Variants in AGBL1 observed in about 807,000 individuals in gnomAD.
AGBL1 encodes the protein AGBL carboxypeptidase 1.
A neutral mutation model predicts 118.9 loss-of-function variants in AGBL1; 130 were observed. The ratio of observed to expected loss-of-function variants is 1.09; its 90% CI spans 0.95 to 1.26. The LOEUF is 1.26. Ranked by LOEUF, AGBL1 falls within the 50% of genes most tolerant of loss-of-function variation. The probability of loss-of-function intolerance (pLI) is 0.00; values close to 1 mark genes in which losing one functional copy is unlikely to be tolerated. For missense variants in AGBL1, 1,584 were observed against 1,298.1 expected (o/e 1.22, Z -3.38); for synonymous variants, 555 against 478.9 (o/e 1.16, Z -2.08).
chr15:86,830,730 T>C (rs2079093871), intron 22 of AGBL1, among the ~76,000 whole-genome samples: 1 of 152,238 alleles, frequency 6.6e-6, no homozygotes. Flanking sequence ...TCTTTTATCC[T>C]GGAAGGGTAT....
intron 22 of AGBL1, among the ~76,000 whole-genome samples, chr15:86,895,339 G>A (rs997892089): frequency 1.3e-5 from 2 of 150,696 alleles, no homozygotes; most frequent in Non-Finnish European, 2.9e-5. Context: ...CATTGTCTAA[G>A]TATAACCACT....
chr15:86,883,805 T>C lies in AGBL1; in HGVS notation c.3159-23282T>C, dbSNP rs978334464. Among the ~76,000 whole-genome samples, 8 of 152,180 alleles carry C rather than the reference T, an allele frequency of 5.3e-5. No homozygotes were observed. The South Asian group carries it at 8.3e-4, about 16-fold the overall frequency. ...GATATATGTTTGTTGAATGAATGGA[T>C]AAATTAAATGAATTAGTGACTGTAA... On this transcript the variant is annotated intron_variant, in intron 22 of 22. Transcript: ENST00000614907.
intron 3 of AGBL1, among the ~76,000 whole-genome samples, chr15:86,150,317 C>CA (rs2077090699): frequency 6.6e-6 from 1 of 152,052 alleles, no homozygotes; most frequent in South Asian, 2.1e-4. Context: ...AAAAACCCTT[C>CA]AAAAAATCAA....
At chr15:86,935,670 C>G (rs1382726511) in intron 23 of AGBL1, among the ~76,000 whole-genome samples, 1 of 152,166 alleles carries the variant, frequency 6.6e-6, no homozygotes, top group African/African-American at 2.4e-5. Context: ...TTTATGGAAA[C>G]ATAAAGAGCC....
chr15:86,236,732 C>A (rs1204846896), intron 6 of AGBL1, among the ~76,000 whole-genome samples: 2 of 151,620 alleles, frequency 1.3e-5, no homozygotes, highest in African/African-American at 4.9e-5. Context: ...GGCTCCAAAG[C>A]CGAGAGAGGA....
chr15:86,577,325 G>A (rs2084106142), intron 21 of AGBL1, among the ~76,000 whole-genome samples: 2 of 152,100 alleles, frequency 1.3e-5, no homozygotes, highest in Non-Finnish European at 2.9e-5. Flanking sequence ...ACTTGAGAGA[G>A]GTAATTTAGG....
chr15:86,960,140 C>G (rs2080976540), intron 23 of AGBL1, among the ~76,000 whole-genome samples: 2 of 152,174 alleles, frequency 1.3e-5, no homozygotes, highest in Admixed American at 6.6e-5. Flanking sequence ...TACTACTTAT[C>G]TTGCTTTCCG....
chr15:86,497,701 T>C (rs1458902034), intron 18 of AGBL1, among the ~76,000 whole-genome samples: 3 of 151,886 alleles, frequency 2.0e-5, no homozygotes, highest in Non-Finnish European at 2.9e-5. Context: ...CGGGATCTGA[T>C]TGTTCCTAAT....
intron 22 of AGBL1, among the ~76,000 whole-genome samples, chr15:86,748,200 G>C (rs1340088846): frequency 6.6e-6 from 1 of 152,130 alleles, no homozygotes; most frequent in Non-Finnish European, 1.5e-5. Context: ...ATCTCATTGT[G>C]ATTTTGATTT....
At chr15:86,773,585 G>C (rs913424775) in intron 22 of AGBL1, among the ~76,000 whole-genome samples, 1 of 141,924 alleles carries the variant, frequency 7.0e-6, no homozygotes, top group Non-Finnish European at 1.5e-5. Flanking sequence ...TCCCACCTAT[G>C]AGTGAGAACA....
At chr15:86,767,639 T>A (rs544616287) in intron 22 of AGBL1, among the ~76,000 whole-genome samples, 1 of 152,048 alleles carries the variant, frequency 6.6e-6, no homozygotes, top group East Asian at 1.9e-4. Context: ...TTCAACACTT[T>A]CCCATGGATT....
intron 1 of AGBL1, among the ~76,000 whole-genome samples, chr15:86,108,887 G>A (rs184085111): frequency 6.6e-6 from 1 of 152,292 alleles, no homozygotes; most frequent in Admixed American, 6.5e-5. Flanking sequence ...AACCCGGGAG[G>A]TGGAGGTTGC....
chr15:86,677,646 C>T (rs2085872312), intron 22 of AGBL1, among the ~76,000 whole-genome samples: 1 of 152,136 alleles, frequency 6.6e-6, no homozygotes, highest in African/African-American at 2.4e-5. Context: ...AGCTAAAGCT[C>T]AGAGCTTCAG....
intron 18 of AGBL1, among the ~76,000 whole-genome samples, chr15:86,475,454 A>G (rs375569616): frequency 6.6e-6 from 1 of 152,240 alleles, no homozygotes; most frequent in South Asian, 2.1e-4. Flanking sequence ...CAATTCGATC[A>G]ACTGGAAGAA....
intron 24 of AGBL1, among the ~76,000 whole-genome samples, chr15:87,022,884 C>T (rs1385989665): frequency 6.6e-6 from 1 of 151,976 alleles, no homozygotes; most frequent in African/African-American, 2.4e-5. Context: ...AGGAAAGATA[C>T]AGTCTTTTTC....
intron 2 of AGBL1, among the ~76,000 whole-genome samples, chr15:86,143,443 G>C (rs74673506): frequency 2.8e-3 from 424 of 152,316 alleles, no homozygotes; most frequent in African/African-American, 9.7e-3. Flanking sequence ...CAGAATCTCA[G>C]ATAAGCTCTA....
At chr15:86,564,416 C>T (rs1374655200) in intron 21 of AGBL1, among the ~76,000 whole-genome samples, 2 of 152,176 alleles carry the variant, frequency 1.3e-5, no homozygotes, top group African/African-American at 4.8e-5. Flanking sequence ...ATATGAAATT[C>T]TGGGTTGAAA....
chr15:86,848,704 G>T (rs2079355208), intron 22 of AGBL1, among the ~76,000 whole-genome samples: 1 of 152,106 alleles, frequency 6.6e-6, no homozygotes, highest in Admixed American at 6.6e-5. Context: ...TTGGGCTCTG[G>T]CTGATGATCC....
intron 17 of AGBL1, among the ~76,000 whole-genome samples, chr15:86,375,783 T>G: frequency 6.6e-6 from 1 of 152,208 alleles, no homozygotes; most frequent in Non-Finnish European, 1.5e-5. Flanking sequence ...CTTTATAGTT[T>G]ACTGAGTTTT....
Sources: gnomAD v4.1 joint callset for allele counts (sites outside exome capture counted in the v4.1 genomes callset) on GRCh38, gnomAD v4.1.1 for gene constraint, MANE v1.5 for transcripts, NCBI Gene and HGNC (gene_info 2026-07-23, HGNC 2026-07-21) for gene names.